KCNIP4: variants seen among roughly 807,000 people sequenced by gnomAD.
The protein encoded by KCNIP4 is Kv channel-interacting protein 4.
KCNIP4 carries 12 observed loss-of-function variants against 34.0 expected under a neutral mutation model. The observed-to-expected ratio is 0.35, with a 90% CI of 0.23 to 0.57. KCNIP4 has a LOEUF of 0.57. KCNIP4 is among the 20% of genes least tolerant of loss of function. The pLI, the probability that KCNIP4 is intolerant of heterozygous loss-of-function variation, is 0.83. For missense variants in KCNIP4, 238 were observed against 311.7 expected (o/e 0.76, Z 1.78); for synonymous variants, 124 against 102.2 (o/e 1.21, Z -1.29).
At chr4:21,490,288 A>G (rs989975753) in intron 1 of KCNIP4, among the ~76,000 whole-genome samples, 1 of 152,228 alleles carries the variant, frequency 6.6e-6, no homozygotes, top group African/African-American at 2.4e-5. Flanking sequence ...TATTTGAAAA[A>G]AGACATACCT....
At chr4:21,839,755 C>CAA (rs35101291) in intron 1 of KCNIP4, among the ~76,000 whole-genome samples, 7 of 151,546 alleles carry the variant, frequency 4.6e-5, no homozygotes, top group African/African-American at 1.2e-4. Context: ...AACTCCATCT[C>CAA]AAAAAAAAGA....
At chr4:21,008,201 T>C (rs1330534663) in intron 1 of KCNIP4, among the ~76,000 whole-genome samples, 1 of 152,234 alleles carries the variant, frequency 6.6e-6, no homozygotes, top group Non-Finnish European at 1.5e-5. Flanking sequence ...CTGAGTTATA[T>C]TTTATTAAAG....
chr4:21,559,505 C>CATCACA lies in KCNIP4; in HGVS notation c.61+389065_61+389066insTGTGAT, dbSNP rs1739348105. Among the ~76,000 whole-genome samples the CATCACA allele has an allele frequency of 4.6e-5, 7 of 152,178 alleles. No homozygotes were observed. In the South Asian group the frequency reaches 1.5e-3, roughly 32 times the overall value. On this transcript the variant is annotated intron_variant, in intron 1 of 8. Coordinates refer to ENST00000382152, the MANE Select transcript of KCNIP4 (RefSeq NM_025221.6). ...AAGGACTAATTGATGGCATCTGTCC[C>CATCACA]TTAAGGAGTTCGGAGTATACAGAAG...
Position 20,761,350 on chromosome 4 carries a change from G to A in KCNIP4, c.289-2460C>T, listed in dbSNP as rs73110249. Among the ~76,000 whole-genome samples the A allele has an allele frequency of 7.9e-3, 1,208 of 152,244 alleles. 16 individuals are homozygous for A. The highest frequency in any genetic ancestry group is 0.028 in the African/African-American group (1,151 of 41,538). On this transcript the variant is annotated intron_variant, in intron 3 of 8. Coordinates refer to ENST00000382152, the MANE Select transcript of KCNIP4 (RefSeq NM_025221.6). Reference sequence around the variant, plus strand: ...CTCTGAAGGACCCTAATACATAAATGAATTAACAACCAATAGCTACAACTC... The same window carrying A: ...CTCTGAAGGACCCTAATACATAAATAAATTAACAACCAATAGCTACAACTC...
At chr4:21,153,093 A>T (rs988142216) in intron 1 of KCNIP4, among the ~76,000 whole-genome samples, 3 of 152,152 alleles carry the variant, frequency 2.0e-5, no homozygotes, top group Non-Finnish European at 2.9e-5. Flanking sequence ...TATCCTAATT[A>T]ACTCCTTAAA....
intron 1 of KCNIP4, among the ~76,000 whole-genome samples, chr4:21,782,566 C>A (rs1719637309): frequency 6.6e-6 from 1 of 152,050 alleles, no homozygotes; most frequent in Non-Finnish European, 1.5e-5. Flanking sequence ...GGCATGATGG[C>A]ATGCACCTTT....
At chr4:21,301,387 A>C (rs1711675028) in intron 1 of KCNIP4, among the ~76,000 whole-genome samples, 1 of 152,174 alleles carries the variant, frequency 6.6e-6, no homozygotes, top group Admixed American at 6.6e-5. Context: ...ACTATAAAAC[A>C]GTTGTAAGTT....
Position 21,036,973 on chromosome 4 carries a change from T to C in KCNIP4, c.62-154264A>G, listed in dbSNP as rs1741504841. Among the ~76,000 whole-genome samples, 3 of 152,242 alleles carry C rather than the reference T, an allele frequency of 2.0e-5. No homozygotes were observed. In the South Asian group the frequency reaches 6.2e-4, roughly 32 times the overall value. ...TGGCCCTGGGGTAGGCCTTGGCTAA[T>C]GTGTGTGTTTGTGTCTTTGTTTTAA... On this transcript the variant is annotated intron_variant, in intron 1 of 8. Transcript: ENST00000382152.
chr4:21,138,860 C>T (rs1751715696), intron 1 of KCNIP4, among the ~76,000 whole-genome samples: 1 of 152,126 alleles, frequency 6.6e-6, no homozygotes, highest in South Asian at 2.1e-4. Flanking sequence ...TGCGGGCAGC[C>T]TGGAGAGGAT....
intron 1 of KCNIP4, among the ~76,000 whole-genome samples, chr4:20,975,885 A>G (rs1735440578): frequency 6.6e-6 from 1 of 152,222 alleles, no homozygotes; most frequent in South Asian, 2.1e-4. Context: ...GTGACATATG[A>G]AAATTGTATG....
At chr4:21,661,170 T>C (rs1179412190) in intron 1 of KCNIP4, among the ~76,000 whole-genome samples, 3 of 152,092 alleles carry the variant, frequency 2.0e-5, no homozygotes, top group African/African-American at 4.8e-5. Context: ...CAGGGGAACA[T>C]CATCTGTCCA....
intron 1 of KCNIP4, among the ~76,000 whole-genome samples, chr4:21,655,453 T>A (rs1364506154): frequency 6.6e-6 from 1 of 152,058 alleles, no homozygotes; most frequent in Non-Finnish European, 1.5e-5. Context: ...AAAATGAACA[T>A]CTTCCTACCC....
At chr4:21,508,655 G>A (rs1734057086) in intron 1 of KCNIP4, among the ~76,000 whole-genome samples, 1 of 152,130 alleles carries the variant, frequency 6.6e-6, no homozygotes. Flanking sequence ...AAATACTGAG[G>A]GAAGCATTTG....
At chr4:21,141,906 C>T (rs1291379516) in intron 1 of KCNIP4, among the ~76,000 whole-genome samples, 1 of 151,076 alleles carries the variant, frequency 6.6e-6, no homozygotes, top group Non-Finnish European at 1.5e-5. Context: ...AATCCCAGCA[C>T]TTTGGGAGGC....
At chr4:21,006,116 A>G (rs929758044) in intron 1 of KCNIP4, among the ~76,000 whole-genome samples, 2 of 152,354 alleles carry the variant, frequency 1.3e-5, no homozygotes, top group Admixed American at 6.5e-5. Context: ...ACTCACGTCT[A>G]TCTAACTTGA....
chr4:21,760,038 C>A (rs1009752645), intron 1 of KCNIP4, among the ~76,000 whole-genome samples: 2 of 152,064 alleles, frequency 1.3e-5, no homozygotes, highest in African/African-American at 4.8e-5. Context: ...CAGCTGCTCT[C>A]ATATTCAAGA....
At chr4:20,966,755 C>T (rs1734386508) in intron 1 of KCNIP4, among the ~76,000 whole-genome samples, 1 of 152,112 alleles carries the variant, frequency 6.6e-6, no homozygotes, top group Admixed American at 6.6e-5. Context: ...ATTCTTCCTA[C>T]CTATAGTTAT....
chr4:21,602,658 A>G (rs1743286138), intron 1 of KCNIP4, among the ~76,000 whole-genome samples: 1 of 152,206 alleles, frequency 6.6e-6, no homozygotes, highest in South Asian at 2.1e-4. Flanking sequence ...TGTATTTTAA[A>G]TATATTTGGT....
At position 21,211,084 on chromosome 4, in the gene KCNIP4, G is replaced by A. The variant is rs148232275; in HGVS notation, c.62-328375C>T. Among the ~76,000 whole-genome samples, 31 of 152,236 alleles carry A rather than the reference G, an allele frequency of 2.0e-4. No individual in the cohort carries two copies. In the Middle Eastern group the frequency reaches 0.01, roughly 50 times the overall value. The stretch of plus-strand genomic sequence containing the variant: ...TGACATAATCTCTTACCAGGTGATA[G>A]GTTGGTCATGTGATATCTTTTTCTG... On this transcript the variant is annotated intron_variant, in intron 1 of 8. Coordinates refer to ENST00000382152, the MANE Select transcript of KCNIP4 (RefSeq NM_025221.6).
Sources: allele counts gnomAD v4.1 joint callset (sites outside exome capture counted in the v4.1 genomes callset), GRCh38; gene constraint gnomAD v4.1.1; transcripts MANE v1.5; gene names NCBI Gene and HGNC (gene_info 2026-07-23, HGNC 2026-07-21).